CDK12: variants seen among roughly 807,000 people sequenced by gnomAD.
The protein encoded by CDK12 is cyclin dependent kinase 12.
In CDK12, 17 loss-of-function variants were observed where a neutral mutation model predicts 133.8. The observed-to-expected ratio is 0.13, with a 90% CI of 0.09 to 0.19. The LOEUF (loss-of-function observed/expected upper bound fraction) is 0.19, where lower values mean the gene tolerates loss of function less well. Among genes scored for constraint, CDK12 ranks in the 10% least tolerant of loss-of-function variants. The probability of loss-of-function intolerance (pLI) is 1.00; values close to 1 mark genes in which losing one functional copy is unlikely to be tolerated. For missense variants in CDK12, 1,508 were observed against 1,818.7 expected (o/e 0.83, Z 3.11); for synonymous variants, 694 against 683.6 (o/e 1.02, Z -0.24).
chr17:39,513,522 A>G (rs1385746397), intron 8 of CDK12, among the ~76,000 whole-genome samples: 2 of 152,222 alleles, frequency 1.3e-5, no homozygotes, highest in Non-Finnish European at 2.9e-5. Flanking sequence ...AATTGTCACA[A>G]CTAGGCTCTA....
At chr17:39,465,893 T>C (rs1374562514) in intron 1 of CDK12, among the ~76,000 whole-genome samples, 1 of 152,200 alleles carries the variant, frequency 6.6e-6, no homozygotes, top group Non-Finnish European at 1.5e-5. Flanking sequence ...CTTTAGGGTA[T>C]GGGAATAGAG....
chr17:39,555,867 ACACACACACACACACAC>A (rs2056140357), intron 2 of CDK12, among the ~76,000 whole-genome samples: 2 of 148,132 alleles, frequency 1.4e-5, no homozygotes, highest in African/African-American at 5.0e-5. Context: ...ACACACACAC[ACACACACACACACACAC>A]AAAGCCAGGT....
intron 2 of CDK12, among the ~76,000 whole-genome samples, chr17:39,476,634 A>G (rs565883907): frequency 6.7e-6 from 1 of 148,854 alleles, no homozygotes; most frequent in African/African-American, 2.5e-5. Flanking sequence ...GCTGGTCAGG[A>G]ACTCCTGATC....
At chr17:39,541,682 C>T (rs2143790575) in intron 1 of CDK12, among the ~76,000 whole-genome samples, 1 of 152,274 alleles carries the variant, frequency 6.6e-6, no homozygotes, top group African/African-American at 2.4e-5. Context: ...AGGAAGGCCT[C>T]CTTCTGAAAC....
At chr17:39,466,616 A>G (rs12941920) in intron 1 of CDK12, among the ~76,000 whole-genome samples, 2,802 of 23,654 alleles carry the variant, frequency 0.12, 52 homozygotes, top group Non-Finnish European at 0.18. Flanking sequence ...ACTCTATCTG[A>G]AAAAAAAAAA....
intron 3 of CDK12, among the ~76,000 whole-genome samples, chr17:39,559,522 C>T (rs771385280): frequency 3.9e-5 from 6 of 152,192 alleles, no homozygotes; most frequent in Non-Finnish European, 8.8e-5. Flanking sequence ...ACCCTTGACA[C>T]CACTAATCTG....
chr17:39,480,410 C>T lies in CDK12; in HGVS notation c.1931+8647C>T, dbSNP rs551224974. On this transcript the variant is annotated intron_variant, in intron 2 of 13. Transcript: ENST00000447079. Reference sequence around the variant, plus strand: ...TCACCCTCCCAAGTAGCTAGGATTACAGGCATGTACCACCATGCCCAGCTA... The same window carrying T: ...TCACCCTCCCAAGTAGCTAGGATTATAGGCATGTACCACCATGCCCAGCTA... Among the ~76,000 whole-genome samples, 16 of 151,980 alleles carry T rather than the reference C, an allele frequency of 1.1e-4. No homozygotes were observed. The South Asian group carries it at 2.1e-3, about 20-fold the overall frequency.
intron 5 of CDK12, among the ~76,000 whole-genome samples, chr17:39,497,960 T>G (rs1305873080): frequency 6.6e-6 from 1 of 152,022 alleles, no homozygotes; most frequent in Non-Finnish European, 1.5e-5. Context: ...GTTACCAGTT[T>G]TATTTACTTT....
rs372235295 is a variant in CDK12 at position 39,495,794 on chromosome 17, C to CA, written c.2419+1116dup. On this transcript the variant is annotated intron_variant, in intron 5 of 13. Transcript: ENST00000447079. Reference sequence around the variant, plus strand: ...TGGGCAATAGAGCGAGACTCCGCCTCAAAAAAAAAAAAAAAAGATGGTAGT... The same window carrying CA: ...TGGGCAATAGAGCGAGACTCCGCCTCAAAAAAAAAAAAAAAAAGATGGTAGT... Among the ~76,000 whole-genome samples, 220 of 74,522 alleles carry CA rather than the reference C, an allele frequency of 3.0e-3. 1 individual carries two copies. The highest frequency in any genetic ancestry group is 4.5e-3 in the African/African-American group (89 of 19,718). 48.9% of individuals were successfully genotyped at this position (74,522 alleles called of 152,430 possible).
At chr17:39,511,480 C>T (rs2146369043) in intron 7 of CDK12, 49 bp from the exon 8 acceptor site, 1 of 1,172,650 alleles carries the variant, frequency 8.5e-7, no homozygotes, top group South Asian at 1.3e-5. Flanking sequence ...GAATATTTTT[C>T]ATCAGAAGCC....
intron 2 of CDK12, among the ~76,000 whole-genome samples, chr17:39,556,105 A>G (rs1333672752): frequency 2.7e-5 from 4 of 150,520 alleles, no homozygotes; most frequent in Non-Finnish European, 5.9e-5. Flanking sequence ...CTCAAACCCT[A>G]TTTTCTGCCT....
intron 8 of CDK12, among the ~76,000 whole-genome samples, chr17:39,512,042 C>A (rs2053536753): frequency 1.3e-5 from 2 of 152,042 alleles, no homozygotes; most frequent in African/African-American, 4.8e-5. Context: ...CAGATTGTAT[C>A]CTTGTGATGA....
rs756821382 is a variant in CDK12, at chr17:39,525,937, C to T, written c.3381C>T (p.Thr1127=). Residue 1127 remains threonine, a synonymous_variant, in exon 13 of 14, where the codon ACC becomes ACT. Coordinates refer to ENST00000447079, the MANE Select transcript of CDK12 (RefSeq NM_016507.4). ...TATTAAACCTGCTGCAGAGCCAAAC[C>T]GACCTGAGCATCCCTCAAATGGCAC... ...AVLLNLLQSQ[T]DLSIPQMAQL... The T allele has an allele frequency of 5.0e-6, 8 of 1,614,140 alleles. No individual in the cohort carries two copies. Among genetic ancestry groups the T allele is most frequent in the South Asian group, 4.4e-5 (4 of 91,084 alleles).
At chr17:39,463,162 C>T (rs758668021) in intron 1 of CDK12, 45 bp downstream of exon 1, 1 of 1,535,940 alleles carries the variant, frequency 6.5e-7, no homozygotes, top group Non-Finnish European at 8.9e-7. Context: ...GGGTGGGTTG[C>T]GAGGAATTGG....
chr17:39,492,283 A>C (rs2145861842), intron 3 of CDK12, among the ~76,000 whole-genome samples: 1 of 150,028 alleles, frequency 6.7e-6, no homozygotes, highest in South Asian at 2.1e-4. Flanking sequence ...TATTTAGTAG[A>C]GACGGGGTTT....
At position 39,468,806 on chromosome 17, in the gene CDK12, AATTT is replaced by A. The variant is rs758803620; in HGVS notation, c.1047-2052_1047-2049del. On this transcript the variant is annotated intron_variant, in intron 1 of 13. Coordinates refer to ENST00000447079, the MANE Select transcript of CDK12 (RefSeq NM_016507.4). The stretch of plus-strand genomic sequence containing the variant: ...ATGTTTTTATTTTAATTAATTAATT[AATTT>A]ATTTATTTATTTATTTATTTTGAGA... Among the ~76,000 whole-genome samples the A allele has an allele frequency of 6.4e-4, 96 of 150,356 alleles. 1 individual carries two copies. Among genetic ancestry groups the A allele is most frequent in the Admixed American group, 3.5e-3 (52 of 14,958 alleles).
At chr17:39,498,875 C>T (rs4795372) in intron 5 of CDK12, among the ~76,000 whole-genome samples, 34,623 of 36,032 alleles carry the variant, frequency 0.96, 16,613 homozygotes, top group South Asian at 0.99. Flanking sequence ...ATGATTTTCT[C>T]TTTCTTTCTT....
intron 3 of CDK12, among the ~76,000 whole-genome samples, chr17:39,558,680 GT>G (rs1232113718): frequency 6.6e-6 from 1 of 152,074 alleles, no homozygotes; most frequent in Admixed American, 6.5e-5. Context: ...TTTTGCTCTT[GT>G]TGCCCAGGCT....
At chr17:39,552,422 A>G (rs1351669129) in intron 2 of CDK12, among the ~76,000 whole-genome samples, 1 of 152,212 alleles carries the variant, frequency 6.6e-6, no homozygotes, top group African/African-American at 2.4e-5. Context: ...AATGTGTGGC[A>G]GGACATTTAG....
Sources: gnomAD v4.1 joint callset for allele counts (sites outside exome capture counted in the v4.1 genomes callset) on GRCh38, gnomAD v4.1.1 for gene constraint, MANE v1.5 for transcripts, NCBI Gene and HGNC (gene_info 2026-07-23, HGNC 2026-07-21) for gene names.